KCNIP4: variants seen among roughly 807,000 people sequenced by gnomAD.
KCNIP4 encodes Kv channel-interacting protein 4.
A neutral mutation model predicts 34.0 loss-of-function variants in KCNIP4; 12 were observed. The ratio of observed to expected loss-of-function variants is 0.35; its 90% CI spans 0.23 to 0.57. The LOEUF (loss-of-function observed/expected upper bound fraction) is 0.57. KCNIP4 is among the 20% of genes least tolerant of loss of function. KCNIP4 has a pLI of 0.83. For synonymous variants in KCNIP4, 124 were observed against 102.2 expected (o/e 1.21, Z -1.29); for missense variants, 238 against 311.7 (o/e 0.76, Z 1.78).
intron 1 of KCNIP4, among the ~76,000 whole-genome samples, chr4:21,223,850 T>G (rs963988944): frequency 6.6e-6 from 1 of 152,056 alleles, no homozygotes; most frequent in African/African-American, 2.4e-5. Flanking sequence ...GTTCATCTGC[T>G]GGGAGGAGGA....
intron 3 of KCNIP4, among the ~76,000 whole-genome samples, chr4:20,834,268 G>A (rs1355403682): frequency 3.9e-5 from 6 of 152,166 alleles, no homozygotes; most frequent in Admixed American, 3.9e-4. Context: ...ATTAGGGAGA[G>A]GGCTCAGTGG....
intron 1 of KCNIP4, among the ~76,000 whole-genome samples, chr4:21,211,435 T>A (rs1757215013): frequency 6.6e-6 from 1 of 152,062 alleles, no homozygotes; most frequent in South Asian, 2.1e-4. Flanking sequence ...TAGAGTCTCA[T>A]AAAAGTGCGG....
At chr4:20,878,838 T>C (rs986560842) in intron 2 of KCNIP4, among the ~76,000 whole-genome samples, 1 of 151,902 alleles carries the variant, frequency 6.6e-6, no homozygotes, top group Admixed American at 6.6e-5. Context: ...TTGGAAGAGA[T>C]CATAAAAGTC....
At chr4:20,999,353 A>G (rs1411137944) in intron 1 of KCNIP4, among the ~76,000 whole-genome samples, 1 of 151,832 alleles carries the variant, frequency 6.6e-6, no homozygotes, top group Non-Finnish European at 1.5e-5. Context: ...TAACGTAAAC[A>G]GGACACAGAT....
At chr4:20,841,522 T>G (rs1259327778) in intron 3 of KCNIP4, among the ~76,000 whole-genome samples, 1 of 152,114 alleles carries the variant, frequency 6.6e-6, no homozygotes, top group Non-Finnish European at 1.5e-5. Context: ...TGAGTCCTCC[T>G]CAGTTTCCCT....
intron 1 of KCNIP4, among the ~76,000 whole-genome samples, chr4:21,288,647 A>G (rs780182425): frequency 1.3e-5 from 2 of 152,286 alleles, no homozygotes; most frequent in South Asian, 4.1e-4. Context: ...ATGGTGCCCA[A>G]CATTACAAAT....
chr4:21,190,706 C>T (rs1247467333), intron 1 of KCNIP4, among the ~76,000 whole-genome samples: 4 of 151,970 alleles, frequency 2.6e-5, no homozygotes, highest in Non-Finnish European at 5.9e-5. Context: ...TATTTGCCAT[C>T]TCTTAAAAAA....
chr4:21,610,519 T>C (rs111975543), intron 1 of KCNIP4, among the ~76,000 whole-genome samples: 10 of 152,284 alleles, frequency 6.6e-5, no homozygotes, highest in African/African-American at 2.2e-4. Context: ...ATAATCTTTC[T>C]TTTTGTGAGG....
intron 5 of KCNIP4, among the ~76,000 whole-genome samples, chr4:20,742,340 C>G (rs973753127): frequency 5.9e-5 from 9 of 152,174 alleles, no homozygotes; most frequent in African/African-American, 2.2e-4. Context: ...CAAACCGAAT[C>G]CAGCAGCACA....
chr4:21,883,832 T>C (rs759736576), intron 1 of KCNIP4, among the ~76,000 whole-genome samples: 4 of 152,192 alleles, frequency 2.6e-5, no homozygotes, highest in Non-Finnish European at 5.9e-5. Flanking sequence ...TGAAACAACC[T>C]TCAAATCGAC....
At chr4:20,848,777 T>C (rs765494511) in intron 3 of KCNIP4, among the ~76,000 whole-genome samples, 1 of 152,174 alleles carries the variant, frequency 6.6e-6, no homozygotes, top group Non-Finnish European at 1.5e-5. Flanking sequence ...ACAAACATTC[T>C]GTATCTGATG....
Position 20,941,320 on chromosome 4 carries a change from T to A in KCNIP4, c.62-58611A>T, listed in dbSNP as rs143868818. Among the ~76,000 whole-genome samples, 855 of 152,344 alleles carry A rather than the reference T, an allele frequency of 5.6e-3. 8 individuals are homozygous for A. The highest frequency in any genetic ancestry group is 0.02 in the African/African-American group (821 of 41,584). On this transcript the variant is annotated intron_variant, in intron 1 of 8. Coordinates refer to ENST00000382152, the MANE Select transcript of KCNIP4 (RefSeq NM_025221.6). ...CTTATTTCTGCTTTACTTGACTGGTTGCCAAAGTTTTTCCTTGACTATATG... is the reference window on the plus strand; with the variant it reads ...CTTATTTCTGCTTTACTTGACTGGTAGCCAAAGTTTTTCCTTGACTATATG...
At chr4:21,509,886 G>C (rs545549000) in intron 1 of KCNIP4, among the ~76,000 whole-genome samples, 1 of 152,106 alleles carries the variant, frequency 6.6e-6, no homozygotes, top group East Asian at 1.9e-4. Context: ...GGGAGGCTGA[G>C]GCGGGTGGAT....
chr4:20,780,570 C>T (rs746374689), intron 3 of KCNIP4, among the ~76,000 whole-genome samples: 1 of 152,116 alleles, frequency 6.6e-6, no homozygotes, highest in Non-Finnish European at 1.5e-5. Context: ...CTGCCAATAC[C>T]CCATTTAACA....
intron 1 of KCNIP4, among the ~76,000 whole-genome samples, chr4:20,996,602 C>A (rs1183816801): frequency 1.3e-5 from 2 of 152,196 alleles, no homozygotes; most frequent in Admixed American, 1.3e-4. Context: ...CTCTTTCTTG[C>A]CACTCACTTC....
chr4:21,836,914 ATTTTTTTT>A (rs201730191), intron 1 of KCNIP4, among the ~76,000 whole-genome samples: 1 of 123,556 alleles, frequency 8.1e-6, no homozygotes. Context: ...GCTGGGATAA[ATTTTTTTT>A]TTTTTTTTTT....
At chr4:21,141,873 A>C (rs1161961841) in intron 1 of KCNIP4, among the ~76,000 whole-genome samples, 3 of 151,910 alleles carry the variant, frequency 2.0e-5, no homozygotes, top group Non-Finnish European at 4.4e-5. Flanking sequence ...CAACAAAAAA[A>C]AAAAACCCTG....
intron 1 of KCNIP4, among the ~76,000 whole-genome samples, chr4:21,197,176 T>C (rs2109363591): frequency 6.6e-6 from 1 of 152,324 alleles, no homozygotes; most frequent in East Asian, 1.9e-4. Flanking sequence ...GTCTGGGTTG[T>C]TTCTAATATT....
At chr4:21,016,913 G>C (rs1263041154) in intron 1 of KCNIP4, among the ~76,000 whole-genome samples, 1 of 152,148 alleles carries the variant, frequency 6.6e-6, no homozygotes, top group Non-Finnish European at 1.5e-5. Context: ...ATTTTGACAT[G>C]GTAGACAAAA....
Sources: gnomAD v4.1 joint callset for allele counts (sites outside exome capture counted in the v4.1 genomes callset) on GRCh38, gnomAD v4.1.1 for gene constraint, MANE v1.5 for transcripts, NCBI Gene and HGNC (gene_info 2026-07-23, HGNC 2026-07-21) for gene names.